CACNA1D: variants seen among roughly 807,000 people sequenced by gnomAD.
The protein encoded by CACNA1D is voltage-dependent L-type calcium channel subunit alpha-1D.
CACNA1D carries 55 observed loss-of-function variants against 257.1 expected under a neutral mutation model. That is an observed-to-expected ratio of 0.21 (90% CI 0.17 to 0.27). The LOEUF (loss-of-function observed/expected upper bound fraction) is 0.27, where lower values mean the gene tolerates loss of function less well. Among genes scored for constraint, CACNA1D ranks in the 10% least tolerant of loss-of-function variants. CACNA1D has a pLI of 1.00. For synonymous variants in CACNA1D, 980 were observed against 1,014.9 expected, an observed-to-expected ratio of 0.97 and a Z score of 0.65; for missense variants, 1,876 against 2,784.0, an observed-to-expected ratio of 0.67 and a Z score of 7.34.
At chr3:53,718,219 G>A in intron 9 of CACNA1D, 82 bp from the exon 10 acceptor site, 1 of 1,198,660 alleles carries the variant, frequency 8.3e-7, no homozygotes, top group East Asian at 2.3e-5. Context: ...GGTCTGCCTG[G>A]TGGCAGAGGC....
chr3:53,708,062 C>T (rs1480951998), intron 9 of CACNA1D, among the ~76,000 whole-genome samples: 1 of 152,206 alleles, frequency 6.6e-6, no homozygotes, highest in Non-Finnish European at 1.5e-5. Context: ...CACCCTGGGG[C>T]TTGGTGGAGC....
intron 45 of CACNA1D, among the ~76,000 whole-genome samples, chr3:53,805,688 G>A (rs532010249): frequency 1.2e-4 from 17 of 147,148 alleles, no homozygotes; most frequent in African/African-American, 4.3e-4. Flanking sequence ...CCTCATCTCT[G>A]CTCCTCCTCC....
chr3:53,737,765 G>T (rs992259581), intron 20 of CACNA1D, among the ~76,000 whole-genome samples: 2 of 152,248 alleles, frequency 1.3e-5, no homozygotes, highest in South Asian at 4.1e-4. Flanking sequence ...GGAGGTTGCA[G>T]TGAACTGAGA....
At chr3:53,639,262 A>G (rs931964617) in intron 3 of CACNA1D, among the ~76,000 whole-genome samples, 5 of 152,054 alleles carry the variant, frequency 3.3e-5, no homozygotes, top group African/African-American at 1.2e-4. Context: ...TTCTCCACCT[A>G]TCTTACTCTG....
intron 4 of CACNA1D, among the ~76,000 whole-genome samples, chr3:53,658,693 T>C (rs2094173017): frequency 6.6e-6 from 1 of 152,228 alleles, no homozygotes; most frequent in South Asian, 2.1e-4. Flanking sequence ...GGAGAGACTT[T>C]TCACTTTAGC....
At chr3:53,633,376 G>A (rs184868530) in intron 3 of CACNA1D, among the ~76,000 whole-genome samples, 1 of 152,302 alleles carries the variant, frequency 6.6e-6, no homozygotes, top group East Asian at 1.9e-4. Flanking sequence ...GGTCCCGGCT[G>A]CTCGGGAGGC....
At chr3:53,560,947 A>T (rs62251904) in intron 3 of CACNA1D, among the ~76,000 whole-genome samples, 25,993 of 152,172 alleles carry the variant, frequency 0.17, 2,705 homozygotes, top group Non-Finnish European at 0.24. Context: ...AATCCTATGG[A>T]ATGCTTATGG....
At chr3:53,648,190 T>C (rs538124452) in intron 3 of CACNA1D, among the ~76,000 whole-genome samples, 2 of 151,420 alleles carry the variant, frequency 1.3e-5, no homozygotes, top group African/African-American at 4.9e-5. Context: ...AGCAAAAGCT[T>C]TTTTTTTTCT....
At chr3:53,701,412 G>A (rs1176751418) in intron 8 of CACNA1D, among the ~76,000 whole-genome samples, 6 of 152,298 alleles carry the variant, frequency 3.9e-5, no homozygotes, top group South Asian at 2.1e-4. Context: ...GATTACAGGC[G>A]TGAGCCACCG....
At chr3:53,681,685 T>C (rs1167936730) in intron 8 of CACNA1D, among the ~76,000 whole-genome samples, 1 of 152,174 alleles carries the variant, frequency 6.6e-6, no homozygotes, top group Non-Finnish European at 1.5e-5. Context: ...TCGTGAAGCT[T>C]ATATCTAATG....
chr3:53,772,718 G>C (rs2095373013), intron 32 of CACNA1D, 115 bp from the exon 33 acceptor site: 1 of 782,994 alleles, frequency 1.3e-6, no homozygotes, highest in South Asian at 1.4e-5. Flanking sequence ...ATTCTTTCAC[G>C]GTAACACGTG....
chr3:53,749,072 G>A, intron 26 of CACNA1D, 196 bp from the exon 27 acceptor site: 1 of 698,198 alleles, frequency 1.4e-6, no homozygotes, highest in Non-Finnish European at 2.6e-6. Flanking sequence ...TATCCTGGGT[G>A]CCCCCTCCTC....
chr3:53,648,505 C>T (rs1487235079), intron 3 of CACNA1D, among the ~76,000 whole-genome samples: 2 of 152,132 alleles, frequency 1.3e-5, no homozygotes, highest in African/African-American at 4.8e-5. Context: ...CTCAGAATAC[C>T]GCAGTGGCCT....
In CACNA1D at chr3:53,495,096, C is replaced by T; in HGVS notation, c.-71C>T. 11 of 1,211,296 alleles carry T rather than the reference C, an allele frequency of 9.1e-6. 2 individuals carry two copies. Among genetic ancestry groups the T allele is most frequent in the Non-Finnish European group, 1.3e-5 (11 of 837,040 alleles). 75.0% of individuals were successfully genotyped at this position (1,211,296 alleles called of 1,614,324 possible). A position where few individuals can be genotyped will look rare whatever the true frequency, so the allele number is the denominator to read the frequency against. On this transcript the variant is annotated 5_prime_UTR_variant, in exon 1 of 48. Transcript: ENST00000350061. This position sits in a 1 kb window ranked among gnomAD's most constrained non-coding sequence, Gnocchi z 5.1. ...CTCCTACCTCTTGGTGATCCCCTTC[C>T]CCATTCCGCCCCCGCCTCAACGCCC... is the stretch of plus-strand genomic sequence containing the variant.
intron 2 of CACNA1D, among the ~76,000 whole-genome samples, chr3:53,499,540 T>C (rs539266362): frequency 7.1e-4 from 108 of 152,242 alleles, no homozygotes; most frequent in African/African-American, 2.2e-3. Context: ...CCCATCTATT[T>C]CTCTATTGCT....
At chr3:53,518,636 A>G (rs62250859) in intron 3 of CACNA1D, among the ~76,000 whole-genome samples, 5,486 of 152,020 alleles carry the variant, frequency 0.036, 148 homozygotes, top group Non-Finnish European at 0.06. Context: ...TCTGCTTTTC[A>G]TTTTCCTTTG....
intron 46 of CACNA1D, chr3:53,809,690 C>T (rs2095586003): frequency 6.2e-6 from 3 of 483,274 alleles, no homozygotes; most frequent in Non-Finnish European, 1.1e-5. Flanking sequence ...TTGGGCTTCC[C>T]TGATTCTTCA....
At chr3:53,713,901 C>T (rs2094790459) in intron 9 of CACNA1D, among the ~76,000 whole-genome samples, 1 of 152,042 alleles carries the variant, frequency 6.6e-6, no homozygotes. Context: ...GGCCCCCCGC[C>T]ACCAATCTCA....
At chr3:53,738,172 T>A (rs895381950) in intron 20 of CACNA1D, among the ~76,000 whole-genome samples, 1 of 152,178 alleles carries the variant, frequency 6.6e-6, no homozygotes, top group Admixed American at 6.5e-5. Context: ...ACCAGGTTGT[T>A]AGAGATTTTA....
Sources: gnomAD v4.1 joint callset for allele counts (sites outside exome capture counted in the v4.1 genomes callset) on GRCh38, gnomAD v4.1.1 for gene constraint, Gnocchi (gnomAD v3.1) non-coding constraint, MANE v1.5 for transcripts, NCBI Gene and HGNC (gene_info 2026-07-23, HGNC 2026-07-21) for gene names.